The following P4HB variants were observed in gnomAD, a reference collection of about 807,000 sequenced individuals.
The protein encoded by P4HB is prolyl 4-hydroxylase subunit beta, also known as protein disulfide-isomerase.
In P4HB, 20 loss-of-function variants were observed where a neutral mutation model predicts 52.6. The ratio of observed to expected loss-of-function variants is 0.38; its 90% confidence interval spans 0.27 to 0.55. P4HB has a LOEUF of 0.55. Among genes scored for constraint, P4HB ranks in the 20% least tolerant of loss-of-function variants. The pLI, the probability that P4HB is intolerant of heterozygous loss-of-function variation, is 0.74. For synonymous variants in P4HB, 296 were observed against 277.9 expected, an observed-to-expected ratio of 1.07 and a Z score of -0.65; for missense variants, 601 against 669.2, an observed-to-expected ratio of 0.90 and a Z score of 1.12.
At position 81,847,064 on chromosome 17, in the gene P4HB, C is replaced by G. The variant is rs755119928; in HGVS notation, c.738G>C (p.Pro246=). ...LVIEFTEQTA[P]KIFGGEIKTH... ...TCTTGATTTCACCTCCAAAAATCTT[C>G]GGGGCTGTCTGTGTTATAAACTTAA... Residue 246 remains proline, a synonymous_variant, in exon 6 of 11, where the codon CCG becomes CCC. Transcript: ENST00000331483. The G allele has an allele frequency of 6.2e-7, 1 of 1,614,018 alleles. No homozygotes were observed. The highest frequency in any genetic ancestry group is 1.1e-5 in the South Asian group (1 of 91,086).
chr17:81,859,582 A>C, intron 1 of P4HB, 195 bp from the exon 2 acceptor site: 1 of 591,690 alleles, frequency 1.7e-6, no homozygotes, highest in Non-Finnish European at 3.0e-6. Flanking sequence ...AGAGGCCGTG[A>C]ACGACAAACT....
Position 81,847,316 on chromosome 17 carries a change from T to G in P4HB, c.656A>C (p.Glu219Ala), listed in dbSNP as rs200521181. 2 of 1,614,066 alleles carry G rather than the reference T, an allele frequency of 1.2e-6. No individual in the cohort carries two copies. Among genetic ancestry groups the G allele is most frequent in the Admixed American group, 1.7e-5 (1 of 60,024 alleles). ...FDEGRNNFEG[E>A]VTKENLLDFI... ...GTCCAGCAGGTTCTCCTTGGTGACC[T>G]CCCCTTCAAAGTTGTTCCGGCCTTC... Residue 219 changes from glutamate to alanine, a missense_variant, in exon 5 of 11, where the codon GAG becomes GCG. Glu to Ala is a moderately radical substitution (Grantham distance 107). Coordinates refer to ENST00000331483, the MANE Select transcript of P4HB (RefSeq NM_000918.4).
At chr17:81,845,535 C>A in intron 9 of P4HB, 26 bp downstream of exon 9, 1 of 1,564,568 alleles carries the variant, frequency 6.4e-7, no homozygotes, top group Non-Finnish European at 8.7e-7. Context: ...GAGCCCGCCC[C>A]AGCCCCGTCT....
At chr17:81,853,205 C>A (rs542846222) in intron 4 of P4HB, among the ~76,000 whole-genome samples, 39 of 152,152 alleles carry the variant, frequency 2.6e-4, no homozygotes, top group Non-Finnish European at 4.0e-4. Flanking sequence ...GACCCACCCG[C>A]ACCACCGCGC....
At chr17:81,847,968 G>C (rs1394891635) in intron 4 of P4HB, 1 of 148,672 alleles carries the variant, frequency 6.7e-6, no homozygotes, top group Non-Finnish European at 1.5e-5. Context: ...GCAGTGGCGT[G>C]ATCTCCACTC....
chr17:81,846,915 C>G lies in P4HB; in HGVS notation c.855+32G>C. 2 of 1,612,240 alleles carry G rather than the reference C, an allele frequency of 1.2e-6. No homozygotes were observed. Among genetic ancestry groups the G allele is most frequent in the Non-Finnish European group, 1.7e-6 (2 of 1,179,560 alleles). On this transcript the variant is annotated intron_variant, in intron 6 of 10. Transcript: ENST00000331483. This position sits in a 1 kb window ranked among gnomAD's most constrained non-coding sequence, Gnocchi z 5.7. ...GAAGAGTTGTACTGCTCCCTGGCAC[C>G]GCCCCACGAGCCACCCAGAAGAGCA...
At chr17:81,847,178 A>G in intron 5 of P4HB, 65 bp downstream of exon 5, 2 of 1,595,650 alleles carry the variant, frequency 1.3e-6, no homozygotes, top group South Asian at 2.2e-5. Context: ...GGTGACCGGG[A>G]GCCTCATGCC....
intron 2 of P4HB, chr17:81,856,005 G>A: frequency 6.0e-6 from 1 of 167,830 alleles, no homozygotes; most frequent in Non-Finnish European, 1.3e-5. Context: ...GAGTATCTGG[G>A]GTACAGATGC....
intron 4 of P4HB, among the ~76,000 whole-genome samples, chr17:81,853,256 G>A (rs146078809): frequency 0.017 from 2,646 of 152,224 alleles, 60 homozygotes; most frequent in African/African-American, 0.061. Flanking sequence ...CCTGGTCCCG[G>A]GGAGTGCTGG....
At chr17:81,852,091 G>GAGGACTGC (rs1445983929) in intron 4 of P4HB, among the ~76,000 whole-genome samples, 9 of 152,342 alleles carry the variant, frequency 5.9e-5, no homozygotes, top group South Asian at 2.1e-4. Context: ...GCTGGGGTGG[G>GAGGACTGC]AGGACTGCTT....
At position 81,847,430 on chromosome 17, in the gene P4HB, T is replaced by C. The variant is rs2038754615; in HGVS notation, c.625-83A>G. Reference sequence around the variant, plus strand: ...CCCGGGTCTCCCTGGACGTGGGAAGTCACAGCAGCCAGCAGCCCTGCCCTC... The same window carrying C: ...CCCGGGTCTCCCTGGACGTGGGAAGCCACAGCAGCCAGCAGCCCTGCCCTC... On this transcript the variant is annotated intron_variant, in intron 4 of 10. Coordinates refer to ENST00000331483, the MANE Select transcript of P4HB (RefSeq NM_000918.4). 23 of 1,182,086 alleles carry C rather than the reference T, an allele frequency of 1.9e-5. No homozygotes were observed. The South Asian group carries it at 2.8e-4, about 14-fold the overall frequency. The allele number at this position is 1,182,086 out of a possible 1,614,324, so 73.2% of individuals were successfully genotyped here. A position where few individuals can be genotyped will look rare whatever the true frequency, so the allele number is the denominator to read the frequency against.
At chr17:81,859,114 CT>C in intron 2 of P4HB, 66 bp downstream of exon 2, 1 of 1,464,910 alleles carries the variant, frequency 6.8e-7, no homozygotes, top group Non-Finnish European at 9.6e-7. Flanking sequence ...ACAGCTGCCC[CT>C]GCCCTTCCAA....
rs148954932 is a variant in P4HB, at chr17:81,849,466, A to C, written c.625-2119T>G. ...AGCCCAGATCGTGCCACTGCATTCG[A>C]GCCTGGCAACAGAGCAAGACTTCAT... On this transcript the variant is annotated intron_variant, in intron 4 of 10. Coordinates refer to ENST00000331483, the MANE Select transcript of P4HB (RefSeq NM_000918.4). Among the ~76,000 whole-genome samples the C allele has an allele frequency of 8.1e-3, 1,233 of 152,268 alleles. 18 individuals carry two copies. Among genetic ancestry groups the C allele is most frequent in the African/African-American group, 0.029 (1,189 of 41,524 alleles).
chr17:81,850,839 G>C (rs2038819446), intron 4 of P4HB, among the ~76,000 whole-genome samples: 2 of 152,058 alleles, frequency 1.3e-5, no homozygotes, highest in African/African-American at 4.8e-5. Flanking sequence ...TGTTGCCCAG[G>C]CTGGTCTCAG....
Position 81,845,963 on chromosome 17 carries a change from TC to T in P4HB, c.1084del (p.Glu362ArgfsTer143). ...KPHLMSQELP[E>X]DWDKQPVKVL... is the part of the protein sequence containing the mutation. Reference sequence around the variant, plus strand: ...CTTGACAGGCTGCTTGTCCCAGTCCTCCGGCAGCTCCTGGCTCATCAGGTGG... The same window carrying T: ...CTTGACAGGCTGCTTGTCCCAGTCCTCGGCAGCTCCTGGCTCATCAGGTGG... On this transcript the variant is annotated frameshift_variant, in exon 8 of 11. Transcript: ENST00000331483. LOFTEE classifies it high-confidence loss of function. 1.2e-6 allele frequency: 2 copies of T among 1,612,050 alleles called. No individual in the cohort carries two copies. Among genetic ancestry groups the T allele is most frequent in the Non-Finnish European group, 1.7e-6 (2 of 1,179,040 alleles).
chr17:81,859,557 G>A (rs919077881), intron 1 of P4HB, 170 bp from the exon 2 acceptor site: 1 of 627,146 alleles, frequency 1.6e-6, no homozygotes, highest in Non-Finnish European at 2.8e-6. Flanking sequence ...TGGTGTTCTT[G>A]GGCAATATCA....
Position 81,855,519 on chromosome 17 carries a change from C to G in P4HB, c.420G>C (p.Leu140=), listed in dbSNP as rs763520751. ...KKRTGPAATT[L]PDGAAAESLV... ...AGGACTCTGCAGCTGCGCCGTCAGG[C>G]AGGGTGGTGGCAGCCGGGCCCGTGC... Residue 140 remains leucine, a synonymous_variant, in exon 3 of 11, where the codon CTG becomes CTC. Coordinates refer to ENST00000331483, the MANE Select transcript of P4HB (RefSeq NM_000918.4). This position sits in a 1 kb window ranked among gnomAD's most constrained non-coding sequence, Gnocchi z 4.3. The G allele has an allele frequency of 9.9e-6, 16 of 1,613,884 alleles. No homozygotes were observed. In the African/African-American group the frequency reaches 2.0e-4, roughly 20 times the overall value.
At chr17:81,849,565 A>G (rs1442624345) in intron 4 of P4HB, among the ~76,000 whole-genome samples, 1 of 152,178 alleles carries the variant, frequency 6.6e-6, no homozygotes, top group East Asian at 1.9e-4. Context: ...AGTTTCTAAT[A>G]CAACAGATCC....
rs770133887 is a variant in P4HB at position 81,848,736 on chromosome 17, C to CAAAAA, written c.625-1394_625-1390dup. ...GGGCGACAAGAGCGAAACTCTGTCT[C>CAAAAA]AAAAAAAAAAAAAAAAAAAAAAAAA... On this transcript the variant is annotated intron_variant, in intron 4 of 10. Coordinates refer to ENST00000331483, the MANE Select transcript of P4HB (RefSeq NM_000918.4). Among the ~76,000 whole-genome samples the CAAAAA allele has an allele frequency of 1.2e-3, 30 of 24,480 alleles. 1 individual carries two copies. The highest frequency in any genetic ancestry group is 4.1e-3 in the African/African-American group (28 of 6,798). 16.1% of individuals were successfully genotyped at this position (24,480 alleles called of 152,430 possible). A position where few individuals can be genotyped will look rare whatever the true frequency, so the allele number is the denominator to read the frequency against.
Sources: gnomAD v4.1 joint callset for allele counts (sites outside exome capture counted in the v4.1 genomes callset) on GRCh38, gnomAD v4.1.1 for gene constraint, Gnocchi (gnomAD v3.1) non-coding constraint, MANE v1.5 for transcripts, NCBI Gene and HGNC (gene_info 2026-07-23, HGNC 2026-07-21) for gene names.